Variants in DMD observed in about 807,000 individuals in gnomAD.
DMD encodes the protein mutant dystrophin.
In DMD, 63 loss-of-function variants were observed where a neutral mutation model predicts 330.1. That is an observed-to-expected ratio of 0.19 (90% CI 0.16 to 0.24). The LOEUF is 0.24. DMD is among the 10% of genes least tolerant of loss of function. DMD has a pLI of 1.00. For missense variants in DMD, 3,344 were observed against 2,684.1 expected, an observed-to-expected ratio of 1.25 and a Z score of -5.43; for synonymous variants, 1,223 against 959.8, an observed-to-expected ratio of 1.27 and a Z score of -5.07.
chrX:32,491,160 A>T lies in DMD; in HGVS notation c.2622+117T>A, dbSNP rs2042959718. ...TTACATTTTGAACTTTATTGCGCTT[A>T]GCTAAATCCTTAGAAGGTGAACGTT... is the stretch of plus-strand genomic sequence containing the variant. On this transcript the variant is annotated intron_variant, in intron 20 of 78. Coordinates refer to ENST00000357033, the MANE Select transcript of DMD (RefSeq NM_004006.3). 7 of 948,998 alleles carry T rather than the reference A, an allele frequency of 7.4e-6. No homozygotes were observed. In the South Asian group the frequency reaches 1.4e-4, roughly 19 times the overall value. 78.2% of individuals were successfully genotyped at this position (948,998 alleles called of 1,213,427 possible). A position where few individuals can be genotyped will look rare whatever the true frequency, so the allele number is the denominator to read the frequency against.
intron 69 of DMD, among the ~76,000 whole-genome samples, chrX:31,179,703 C>A (rs2040953189): frequency 9.0e-6 from 1 of 111,603 alleles, no homozygotes; most frequent in Admixed American, 9.5e-5. Context: ...TGCCATTTCC[C>A]TAGTGATTTT....
chrX:32,786,154 T>C (rs1438841051), intron 7 of DMD, among the ~76,000 whole-genome samples: 3 of 109,117 alleles, frequency 2.7e-5, no homozygotes, highest in Non-Finnish European at 5.7e-5. Flanking sequence ...AGTTTTCAAA[T>C]CACTTTTCCA....
intron 2 of DMD, among the ~76,000 whole-genome samples, chrX:32,910,222 C>A (rs781048783): frequency 1.1e-4 from 12 of 111,369 alleles, no homozygotes; most frequent in Non-Finnish European, 2.1e-4. Context: ...GAGAGCTACT[C>A]CTTTGGATGA....
intron 2 of DMD, among the ~76,000 whole-genome samples, chrX:32,861,729 T>C (rs756213085): frequency 4.5e-5 from 5 of 111,733 alleles, no homozygotes; most frequent in Non-Finnish European, 7.5e-5. Flanking sequence ...AAGGCTCTCA[T>C]TGGCCAAATC....
At chrX:31,312,723 A>T (rs952372322) in intron 62 of DMD, among the ~76,000 whole-genome samples, 1 of 112,406 alleles carries the variant, frequency 8.9e-6, no homozygotes, top group Non-Finnish European at 1.9e-5. Flanking sequence ...CCCATCAATG[A>T]TAGACTGGAT....
chrX:31,226,528 C>T (rs1041055957), intron 63 of DMD, among the ~76,000 whole-genome samples: 8 of 111,865 alleles, frequency 7.2e-5, no homozygotes, highest in African/African-American at 2.3e-4. Context: ...TGCCTGGACG[C>T]TGTCCTTTAG....
intron 44 of DMD, among the ~76,000 whole-genome samples, chrX:32,123,710 CT>C (rs2096649083): frequency 9.0e-6 from 1 of 111,681 alleles, no homozygotes; most frequent in Non-Finnish European, 1.9e-5. Context: ...ATATAGTGAG[CT>C]CCTTTAAACA....
chrX:31,201,505 A>G (rs2148516562), intron 67 of DMD, among the ~76,000 whole-genome samples: 1 of 113,022 alleles, frequency 8.8e-6, no homozygotes, highest in East Asian at 2.8e-4. Context: ...TTGTTATTAC[A>G]GAGACAGAAA....
At chrX:31,422,434 G>A (rs953301260) in intron 60 of DMD, among the ~76,000 whole-genome samples, 1 of 111,616 alleles carries the variant, frequency 9.0e-6, no homozygotes, top group East Asian at 2.8e-4. Context: ...ATTAAAACAC[G>A]CAGACAATAT....
At chrX:32,627,196 T>C (rs912121195) in intron 11 of DMD, among the ~76,000 whole-genome samples, 3 of 73,414 alleles carry the variant, frequency 4.1e-5, no homozygotes, top group Non-Finnish European at 6.7e-5. Context: ...CTTTAGCCCT[T>C]GGGTCCTCAC....
At chrX:32,926,760 A>T (rs1316323133) in intron 2 of DMD, among the ~76,000 whole-genome samples, 1 of 109,989 alleles carries the variant, frequency 9.1e-6, no homozygotes, top group African/African-American at 3.3e-5. Flanking sequence ...TCCAAAAAAA[A>T]AAAAAAAAAG....
intron 63 of DMD, among the ~76,000 whole-genome samples, chrX:31,236,084 G>A (rs2047689915): frequency 8.9e-6 from 1 of 112,152 alleles, no homozygotes; most frequent in Non-Finnish European, 1.9e-5. Flanking sequence ...GAAAGACAAA[G>A]AGACTCTGAG....
chrX:32,029,973 T>C (rs1386407377), intron 44 of DMD, among the ~76,000 whole-genome samples: 1 of 111,592 alleles, frequency 9.0e-6, no homozygotes, highest in Non-Finnish European at 1.9e-5. Flanking sequence ...GTCTCAGAGA[T>C]AAAATGCCAG....
intron 2 of DMD, among the ~76,000 whole-genome samples, chrX:32,889,815 C>T (rs1315238282): frequency 1.8e-5 from 2 of 111,143 alleles, no homozygotes; most frequent in Non-Finnish European, 3.8e-5. Flanking sequence ...AGCCCACCTG[C>T]ACCCAGGTGA....
chrX:31,686,713 A>G (rs1021948682), intron 52 of DMD, among the ~76,000 whole-genome samples: 13 of 112,229 alleles, frequency 1.2e-4, no homozygotes, highest in African/African-American at 4.2e-4. Context: ...ATCTGTTGGC[A>G]TATCCTATTG....
intron 39 of DMD, among the ~76,000 whole-genome samples, chrX:32,344,782 A>G: frequency 1.8e-5 from 2 of 111,883 alleles, no homozygotes; most frequent in Admixed American, 1.9e-4. Context: ...AGTAGGACAC[A>G]CACCATCATA....
At chrX:33,233,233 C>T (rs780751201) in intron 1 of DMD, among the ~76,000 whole-genome samples, 3 of 111,285 alleles carry the variant, frequency 2.7e-5, no homozygotes, top group Non-Finnish European at 5.7e-5. Flanking sequence ...TAAAAATAAA[C>T]GACAACATCA....
chrX:32,410,683 AG>A lies in DMD; in HGVS notation c.4233+1068del, dbSNP rs753811531. ...CACAACATGTATATAAGATTTGAAA[AG>A]CAGATCTAGTAATTGCGATCACACA... On this transcript the variant is annotated intron_variant, in intron 30 of 78. Coordinates refer to ENST00000357033, the MANE Select transcript of DMD (RefSeq NM_004006.3). Among the ~76,000 whole-genome samples, 124 of 112,063 alleles carry A rather than the reference AG, an allele frequency of 1.1e-3. 2 individuals are homozygous for A. In the East Asian group the frequency reaches 0.013, roughly 12 times the overall value.
chrX:31,870,416 C>T (rs771581327), intron 48 of DMD, among the ~76,000 whole-genome samples: 2 of 111,608 alleles, frequency 1.8e-5, no homozygotes, highest in Non-Finnish European at 3.8e-5. Context: ...GGATAGGAAT[C>T]TAACTTTGAT....
Sources: gnomAD v4.1 joint callset for allele counts (sites outside exome capture counted in the v4.1 genomes callset) on GRCh38, gnomAD v4.1.1 for gene constraint, MANE v1.5 for transcripts, NCBI Gene and HGNC (gene_info 2026-07-23, HGNC 2026-07-21) for gene names.